The following ARMH1 variants were observed in gnomAD, a reference collection of about 807,000 sequenced individuals.
The protein encoded by ARMH1 is armadillo like helical domain containing 1.
Under a neutral mutation model 50.2 loss-of-function variants are expected in ARMH1, and 34 were observed. That is an observed-to-expected ratio of 0.68 (90% CI 0.51 to 0.90). The LOEUF is 0.90. ARMH1 is among the 40% of genes least tolerant of loss of function. The pLI, the probability that ARMH1 is intolerant of heterozygous loss-of-function variation, is 0.00. For synonymous variants in ARMH1, 221 were observed against 224.2 expected (o/e 0.99, Z 0.13); for missense variants, 538 against 553.9 (o/e 0.97, Z 0.29).
At chr1:44,676,392 A>C (rs929876869) in intron 1 of ARMH1, among the ~76,000 whole-genome samples, 3 of 152,212 alleles carry the variant, frequency 2.0e-5, no homozygotes, top group Non-Finnish European at 2.9e-5. Context: ...TATAGATGCC[A>C]GCCACACCAA....
rs577268358 is a variant in ARMH1, at chr1:44,712,257, G to A, written c.724+8084G>A. Among the ~76,000 whole-genome samples, 4 of 152,268 alleles carry A rather than the reference G, an allele frequency of 2.6e-5. No homozygotes were observed. The East Asian group carries it at 7.7e-4, about 29-fold the overall frequency. On this transcript the variant is annotated intron_variant, in intron 6 of 11. Transcript: ENST00000535358. ...GCGGATCACCTGAGGCCAGGAGTTC[G>A]AGACCAGCCTGGGCAACAAGGTGAA...
chr1:44,705,748 C>T (rs1039970840), intron 6 of ARMH1, among the ~76,000 whole-genome samples: 37 of 152,130 alleles, frequency 2.4e-4, no homozygotes, highest in African/African-American at 8.2e-4. Flanking sequence ...GATATTTAAA[C>T]GATATAATTT....
At chr1:44,696,282 C>G (rs960902406) in intron 2 of ARMH1, among the ~76,000 whole-genome samples, 1 of 152,194 alleles carries the variant, frequency 6.6e-6, no homozygotes, top group Non-Finnish European at 1.5e-5. Flanking sequence ...TCACACACCC[C>G]CCGCCCAAAC....
chr1:44,709,423 A>G (rs190071894), intron 6 of ARMH1, among the ~76,000 whole-genome samples: 4,820 of 152,294 alleles, frequency 0.032, 114 homozygotes, highest in Non-Finnish European at 0.05. Context: ...CTTTAATCCC[A>G]GCACTTTGGG....
Position 44,724,485 on chromosome 1 carries a change from G to A in ARMH1, c.921-54G>A, listed in dbSNP as rs1647941490. ...GCGCTCCGTGCGCCGGGTGGGCGGGGGTGTGCGCCGGGTGAGCCCCAGGGC... is the reference window on the plus strand; with the variant it reads ...GCGCTCCGTGCGCCGGGTGGGCGGGAGTGTGCGCCGGGTGAGCCCCAGGGC... On this transcript the variant is annotated intron_variant, in intron 8 of 11. Transcript: ENST00000535358. This position sits in a 1 kb window ranked among gnomAD's most constrained non-coding sequence, Gnocchi z 6.4. The A allele has an allele frequency of 3.3e-6, 5 of 1,512,932 alleles. No individual in the cohort carries two copies. The South Asian group carries it at 5.0e-5, about 15-fold the overall frequency. The allele number at this position is 1,512,932 out of a possible 1,614,324, so 93.7% of individuals were successfully genotyped here. A position where few individuals can be genotyped will look rare whatever the true frequency, so the allele number is the denominator to read the frequency against.
chr1:44,697,144 T>C lies in ARMH1; in HGVS notation c.249T>C (p.Ile83=), dbSNP rs1645853667. 2 of 1,552,120 alleles carry C rather than the reference T, an allele frequency of 1.3e-6. No individual in the cohort carries two copies. Among genetic ancestry groups the C allele is most frequent in the African/African-American group, 1.4e-5 (1 of 73,146 alleles). The change falls in exon 3 of 12, where the codon ATT becomes ATC. Residue 83 remains isoleucine (I), a synonymous_variant. Coordinates refer to ENST00000535358, the MANE Select transcript of ARMH1 (RefSeq NM_001145636.2). ...DSCLEKLLRS[I]GIFLSAVSSN... is the part of the protein sequence containing the mutation. ...GTTTAGAAAAGCTTCTCAGGTCCATTGGCATCTTCTTATCAGCTGTAAGCA... is the reference window on the plus strand; with the variant it reads ...GTTTAGAAAAGCTTCTCAGGTCCATCGGCATCTTCTTATCAGCTGTAAGCA...
rs935278340 is a variant in ARMH1 at position 44,700,976 on chromosome 1, G to A, written c.496G>A (p.Glu166Lys). The change falls in exon 5 of 12, where the codon GAG becomes AAG. Residue 166 changes from glutamate (E) to lysine (K), a missense_variant. Physicochemically the swap from Glu to Lys is moderately conservative, Grantham distance 56. Transcript: ENST00000535358. ...AAAGTCTAAGTCAGAAGAGACCCAG[G>A]AGGAAGTGCAGGTTCTGTTGGATTC... ...LAKSKSEETQ[E>K]EVQVLLDSLV... 13 of 1,551,526 alleles carry A rather than the reference G, an allele frequency of 8.4e-6. No homozygotes were observed. In the East Asian group the frequency reaches 2.9e-4, roughly 35 times the overall value.
intron 6 of ARMH1, among the ~76,000 whole-genome samples, chr1:44,716,320 C>G (rs1396188780): frequency 6.6e-6 from 1 of 152,152 alleles, no homozygotes; most frequent in Non-Finnish European, 1.5e-5. Flanking sequence ...GGATACTGCC[C>G]TTGATCTTTA....
rs750420710 is a variant in ARMH1, at chr1:44,725,353, C to T, written c.1273C>T (p.Gln425Ter). Residue 425 changes from glutamine (Q) to a stop codon, truncating the protein, a stop_gained, in exon 12 of 12, where the codon CAG (glutamine) becomes TAG (stop). Transcript: ENST00000535358. LOFTEE classifies it low-confidence loss of function (END_TRUNC). ...NTLYGSRDSAQMAYLTHFEED... is the reference protein window; with the variant it reads ...NTLYGSRDSA ...TCTCTATGGCTCGCGCGATTCGGCTCAGATGGCCTACCTCACACACTTCGA... is the reference window on the plus strand; with the variant it reads ...TCTCTATGGCTCGCGCGATTCGGCTTAGATGGCCTACCTCACACACTTCGA... 39 of 1,551,740 alleles carry T rather than the reference C, an allele frequency of 2.5e-5. No individual in the cohort carries two copies. The highest frequency in any genetic ancestry group is 3.4e-5 in the Non-Finnish European group (39 of 1,147,010).
chr1:44,690,817 T>C (rs977691940), intron 2 of ARMH1, among the ~76,000 whole-genome samples: 2 of 152,114 alleles, frequency 1.3e-5, no homozygotes, highest in Non-Finnish European at 2.9e-5. Context: ...TAGCTGAGAC[T>C]ACAGCCATGT....
chr1:44,703,540 T>C (rs1646188446), intron 5 of ARMH1, among the ~76,000 whole-genome samples: 1 of 133,010 alleles, frequency 7.5e-6, no homozygotes, highest in Non-Finnish European at 1.6e-5. Context: ...CTGGTCAACA[T>C]GGGGAAACTC....
intron 4 of ARMH1, among the ~76,000 whole-genome samples, chr1:44,699,700 C>T (rs1645973896): frequency 6.6e-6 from 1 of 152,184 alleles, no homozygotes; most frequent in African/African-American, 2.4e-5. Flanking sequence ...GATCCACCCA[C>T]CTCGGCCTCC....
intron 4 of ARMH1, among the ~76,000 whole-genome samples, 176 bp downstream of exon 4, chr1:44,698,405 T>G (rs553106892): frequency 1.3e-5 from 2 of 152,358 alleles, no homozygotes; most frequent in Admixed American, 1.3e-4. Flanking sequence ...GATTCATCAT[T>G]TGCTCACATT....
intron 6 of ARMH1, among the ~76,000 whole-genome samples, chr1:44,717,255 G>A (rs1012422152): frequency 6.6e-6 from 1 of 152,112 alleles, no homozygotes; most frequent in East Asian, 1.9e-4. Context: ...CTGCTGTATC[G>A]GGTTGTTGGC....
intron 2 of ARMH1, among the ~76,000 whole-genome samples, chr1:44,690,548 C>T (rs578249288): frequency 3.2e-4 from 49 of 152,290 alleles, no homozygotes; most frequent in Non-Finnish European, 4.7e-4. Flanking sequence ...TCACCTTTGC[C>T]TCATAACCAG....
chr1:44,721,748 A>T (rs1328206118), intron 6 of ARMH1: 2 of 151,862 alleles, frequency 1.3e-5, no homozygotes, highest in Non-Finnish European at 1.5e-5. Flanking sequence ...AGCATGAAAC[A>T]CCCCACCCAC....
At chr1:44,696,831 G>A (rs188450089) in intron 2 of ARMH1, among the ~76,000 whole-genome samples, 2 of 152,156 alleles carry the variant, frequency 1.3e-5, no homozygotes, top group Non-Finnish European at 2.9e-5. Flanking sequence ...ATTCATCAGA[G>A]CCTCCTTGTT....
intron 6 of ARMH1, among the ~76,000 whole-genome samples, chr1:44,714,225 G>C (rs573396538): frequency 1.4e-5 from 2 of 145,088 alleles, no homozygotes; most frequent in South Asian, 2.2e-4. Context: ...AGCCGAGATT[G>C]CACCACTGCA....
At chr1:44,714,848 C>T (rs1646786586) in intron 6 of ARMH1, among the ~76,000 whole-genome samples, 3 of 151,800 alleles carry the variant, frequency 2.0e-5, no homozygotes, top group South Asian at 4.2e-4. Flanking sequence ...TGGGATCTCA[C>T]GATGTTGCCC....
Sources: gnomAD v4.1 joint callset for allele counts (sites outside exome capture counted in the v4.1 genomes callset) on GRCh38, gnomAD v4.1.1 for gene constraint, Gnocchi (gnomAD v3.1) non-coding constraint, MANE v1.5 for transcripts, NCBI Gene and HGNC (gene_info 2026-07-23, HGNC 2026-07-21) for gene names.